IL1RAPL1: variants seen among roughly 807,000 people sequenced by gnomAD.
The protein encoded by IL1RAPL1 is interleukin 1 receptor accessory protein like 1.
Under a neutral mutation model 48.4 loss-of-function variants are expected in IL1RAPL1, and 3 were observed. That is an observed-to-expected ratio of 0.06 (90% CI 0.03 to 0.16). The LOEUF (loss-of-function observed/expected upper bound fraction) is 0.16, where lower values mean the gene tolerates loss of function less well. Ranked by LOEUF, IL1RAPL1 falls within the 10% of genes least tolerant of loss-of-function variation. The probability of loss-of-function intolerance (pLI) is 1.00; values close to 1 mark genes in which losing one functional copy is unlikely to be tolerated. For missense variants in IL1RAPL1, 349 were observed against 530.6 expected, an observed-to-expected ratio of 0.66 and a Z score of 3.36; for synonymous variants, 185 against 187.7, an observed-to-expected ratio of 0.99 and a Z score of 0.12.
chrX:29,850,583 G>A (rs1037193845), intron 6 of IL1RAPL1, among the ~76,000 whole-genome samples: 3 of 112,503 alleles, frequency 2.7e-5, no homozygotes, highest in Non-Finnish European at 5.6e-5. Flanking sequence ...CCCTGCTGGA[G>A]CCCGTAAGGC....
chrX:29,000,884 G>A (rs1925835980), intron 2 of IL1RAPL1, among the ~76,000 whole-genome samples: 1 of 105,571 alleles, frequency 9.5e-6, no homozygotes, highest in African/African-American at 3.5e-5. Context: ...TGGGGACATA[G>A]CATGATGTGT....
chrX:28,743,344 A>G (rs1935934298), intron 1 of IL1RAPL1, among the ~76,000 whole-genome samples: 1 of 111,832 alleles, frequency 8.9e-6, no homozygotes, highest in Non-Finnish European at 1.9e-5. Context: ...CAAATCATCC[A>G]GCATGTAATC....
intron 2 of IL1RAPL1, among the ~76,000 whole-genome samples, chrX:28,940,113 AAGAT>A (rs1924128153): frequency 9.0e-6 from 1 of 111,632 alleles, no homozygotes; most frequent in African/African-American, 3.2e-5. Context: ...ATAACAGAAA[AAGAT>A]AAATAAGCTA....
intron 2 of IL1RAPL1, among the ~76,000 whole-genome samples, chrX:29,070,714 C>A (rs772705945): frequency 1.1e-3 from 119 of 111,145 alleles, no homozygotes; most frequent in Non-Finnish European, 2.0e-3. Context: ...TATGCAAAAA[C>A]CACAGAATTA....
At chrX:29,613,967 G>A (rs1265842694) in intron 5 of IL1RAPL1, among the ~76,000 whole-genome samples, 2 of 109,004 alleles carry the variant, frequency 1.8e-5, no homozygotes, top group Non-Finnish European at 1.9e-5. Context: ...GTTTCACCAT[G>A]TTAGCCAGGA....
At chrX:28,903,756 A>C (rs891564972) in intron 2 of IL1RAPL1, among the ~76,000 whole-genome samples, 1 of 111,146 alleles carries the variant, frequency 9.0e-6, no homozygotes, top group African/African-American at 3.3e-5. Context: ...GGAATTTATT[A>C]TGCGCTACCT....
chrX:28,924,617 T>G (rs747966763), intron 2 of IL1RAPL1, among the ~76,000 whole-genome samples: 14 of 111,277 alleles, frequency 1.3e-4, no homozygotes, highest in Non-Finnish European at 2.3e-4. Flanking sequence ...ACAGGAAACT[T>G]TTCTAGAAAA....
At chrX:29,954,446 A>G (rs1933378907) in intron 9 of IL1RAPL1, 76 bp from the exon 10 acceptor site, 6 of 866,937 alleles carry the variant, frequency 6.9e-6, no homozygotes, top group Non-Finnish European at 1.0e-5. Context: ...TTTATGAAAA[A>G]AAGTGCATGT....
chrX:29,529,091 A>G (rs953657359), intron 5 of IL1RAPL1, among the ~76,000 whole-genome samples: 2 of 111,212 alleles, frequency 1.8e-5, no homozygotes, highest in African/African-American at 6.6e-5. Flanking sequence ...GGTACATTTT[A>G]TAATATAATT....
chrX:28,893,750 G>A lies in IL1RAPL1; in HGVS notation c.82+104325G>A, dbSNP rs183601245. Among the ~76,000 whole-genome samples, 1,080 of 111,670 alleles carry A rather than the reference G, an allele frequency of 9.7e-3. 12 individuals carry two copies. The highest frequency in any genetic ancestry group is 0.033 in the African/African-American group (1,010 of 30,674). On this transcript the variant is annotated intron_variant, in intron 2 of 10. Transcript: ENST00000378993. ...AAGGAAATGAGAGGTTCTAAGAGACGGGCTAGCGGCTTGTAACCTACACAG... is the reference window on the plus strand; with the variant it reads ...AAGGAAATGAGAGGTTCTAAGAGACAGGCTAGCGGCTTGTAACCTACACAG...
intron 2 of IL1RAPL1, among the ~76,000 whole-genome samples, chrX:28,954,325 G>A (rs1675450123): frequency 9.0e-6 from 1 of 110,903 alleles, no homozygotes; most frequent in South Asian, 3.7e-4. Context: ...TTGAATTCCA[G>A]CTCTGCTCCA....
intron 6 of IL1RAPL1, among the ~76,000 whole-genome samples, chrX:29,758,303 T>C (rs1928666760): frequency 9.0e-6 from 1 of 111,431 alleles, no homozygotes; most frequent in Non-Finnish European, 1.9e-5. Context: ...ATATGAGAAT[T>C]ACATTACAAA....
At chrX:28,753,382 C>T (rs979300444) in intron 1 of IL1RAPL1, among the ~76,000 whole-genome samples, 6 of 112,063 alleles carry the variant, frequency 5.4e-5, no homozygotes, top group African/African-American at 1.9e-4. Context: ...ACTGCACGTA[C>T]TTGTGTGGGA....
intron 2 of IL1RAPL1, among the ~76,000 whole-genome samples, chrX:29,159,837 G>A (rs1929646632): frequency 9.0e-6 from 1 of 111,456 alleles, no homozygotes; most frequent in African/African-American, 3.3e-5. Flanking sequence ...TTAGCCTCCC[G>A]AGTAGCTGGG....
At chrX:28,982,201 T>C (rs1325881612) in intron 2 of IL1RAPL1, among the ~76,000 whole-genome samples, 1 of 112,123 alleles carries the variant, frequency 8.9e-6, no homozygotes, top group African/African-American at 3.2e-5. Flanking sequence ...ATCCATTGCC[T>C]GTTTGAATTT....
rs1208075718 is a variant in IL1RAPL1 at position 29,956,499 on chromosome X, A to G, written c.*679A>G. 9.2e-6 allele frequency: 1 copy of G among 108,263 alleles called. No individual in the cohort carries two copies. The highest frequency in any genetic ancestry group is 3.4e-5 in the African/African-American group (1 of 29,354). 8.9% of individuals were successfully genotyped at this position (108,263 alleles called of 1,213,427 possible). A position where few individuals can be genotyped will look rare whatever the true frequency, so the allele number is the denominator to read the frequency against. On this transcript the variant is annotated 3_prime_UTR_variant, in exon 11 of 11. Transcript: ENST00000378993. Reference sequence around the variant, plus strand: ...GGGTGGGGGCGGGTCTAACTGTCTTAACATTCAAGTCACTGCTCTTCAGAA... The same window carrying G: ...GGGTGGGGGCGGGTCTAACTGTCTTGACATTCAAGTCACTGCTCTTCAGAA...
intron 5 of IL1RAPL1, among the ~76,000 whole-genome samples, chrX:29,618,120 G>A (rs191444850): frequency 4.5e-4 from 50 of 111,607 alleles, no homozygotes; most frequent in African/African-American, 1.5e-3. Context: ...AAAGAATTCT[G>A]TAAATGTTAT....
At chrX:29,068,926 G>A (rs961349341) in intron 2 of IL1RAPL1, among the ~76,000 whole-genome samples, 16 of 111,903 alleles carry the variant, frequency 1.4e-4, no homozygotes, top group African/African-American at 4.9e-4. Flanking sequence ...CATTGTAATA[G>A]TCTAGGTCAG....
intron 6 of IL1RAPL1, among the ~76,000 whole-genome samples, chrX:29,708,317 C>T (rs189074117): frequency 4.7e-4 from 52 of 111,647 alleles, no homozygotes; most frequent in African/African-American, 1.6e-3. Flanking sequence ...ACATTATTAA[C>T]TGTGGTCACC....
Sources: gnomAD v4.1 joint callset for allele counts (sites outside exome capture counted in the v4.1 genomes callset) on GRCh38, gnomAD v4.1.1 for gene constraint, MANE v1.5 for transcripts, NCBI Gene and HGNC (gene_info 2026-07-23, HGNC 2026-07-21) for gene names.